Variants in CTC1 observed in about 807,000 individuals in gnomAD.
The protein encoded by CTC1 is CST telomere replication complex component 1, also known as CST complex subunit CTC1.
In CTC1, 91 loss-of-function variants were observed where a neutral mutation model predicts 136.3. That is an observed-to-expected ratio of 0.67 (90% CI 0.56 to 0.79). The LOEUF is 0.79. Among genes scored for constraint, CTC1 ranks in the 30% least tolerant of loss-of-function variants. The pLI is 0.00. For synonymous variants in CTC1, 606 were observed against 613.8 expected (o/e 0.99, Z 0.19); for missense variants, 1,432 against 1,498.1 (o/e 0.96, Z 0.73).
intron 4 of CTC1, 139 bp downstream of exon 4, chr17:8,237,892 A>G: frequency 1.4e-6 from 1 of 702,724 alleles, no homozygotes; most frequent in South Asian, 2.1e-5. Flanking sequence ...CCTTCTTAAT[A>G]TTCAAAGCCC....
rs1567607653 is a variant in CTC1 at position 8,234,648 on chromosome 17, CGA to C, written c.1623_1624del (p.Arg542AlafsTer20). 6.2e-7 allele frequency: 1 copy of C among 1,610,494 alleles called. No homozygotes were observed. On this transcript the variant is annotated frameshift_variant, in exon 10 of 23. Transcript: ENST00000651323. LOFTEE classifies it high-confidence loss of function. ...GGGGAAGGAGGAGGGAGTCTGCAGC[CGA>C]GTGTACTGTCAAGGAGGGAAGAGAA...
Position 8,238,484 on chromosome 17 carries a change from C to G in CTC1, c.343G>C (p.Gly115Arg), listed in dbSNP as rs1237260254. ...PLPREQLLLL[G>R]TLTDLSADLE... ...TCTGCCGATAGGTCTGTTAGTGTCC[C>G]TAAAAGTAACAGCTGCTCTCGGGGC... The change falls in exon 3 of 23, where the codon GGG (glycine) becomes CGG (arginine). Residue 115 changes from glycine (G) to arginine (R), a missense_variant. Transcript: ENST00000651323. 6 of 1,614,098 alleles carry G rather than the reference C, an allele frequency of 3.7e-6. No individual in the cohort carries two copies. The highest frequency in any genetic ancestry group is 4.2e-6 in the Non-Finnish European group (5 of 1,180,046).
intron 20 of CTC1, 50 bp downstream of exon 20, chr17:8,229,092 A>C (rs755671348): frequency 6.3e-6 from 10 of 1,579,702 alleles, no homozygotes; most frequent in African/African-American, 1.4e-5. Flanking sequence ...AGATAGACAA[A>C]GTGGTCTCAT....
intron 2 of CTC1, among the ~76,000 whole-genome samples, chr17:8,239,289 T>G (rs1007565723): frequency 2.0e-5 from 3 of 152,030 alleles, no homozygotes; most frequent in Admixed American, 6.6e-5. Flanking sequence ...TGAAAGCATC[T>G]CAGCTCTTAA....
At chr17:8,241,236 C>T (rs7501986) in intron 2 of CTC1, among the ~76,000 whole-genome samples, 55,514 of 151,872 alleles carry the variant, frequency 0.37, 10,993 homozygotes, top group Non-Finnish European at 0.45. Flanking sequence ...TGCAGTGAGC[C>T]GAGATGATGC....
At chr17:8,247,820 T>A in intron 1 of CTC1, 184 bp downstream of exon 1, 1 of 627,882 alleles carries the variant, frequency 1.6e-6, no homozygotes, top group Middle Eastern at 3.4e-4. Flanking sequence ...GGGCGCCGCG[T>A]GAATGAGGGA....
At chr17:8,243,929 G>A (rs1206753968) in intron 1 of CTC1, among the ~76,000 whole-genome samples, 4 of 152,146 alleles carry the variant, frequency 2.6e-5, no homozygotes, top group Admixed American at 2.6e-4. Context: ...AAAGCCAGGC[G>A]TGGTGGCACA....
intron 1 of CTC1, among the ~76,000 whole-genome samples, chr17:8,246,965 CTTATTTATTTATTTATTTATTTAT>C (rs147423378): frequency 0.019 from 2,743 of 141,482 alleles, 99 homozygotes; most frequent in African/African-American, 0.068. Flanking sequence ...TTCTTAACAT[CTTATTTATTTATTTATTTATTTAT>C]TTATTTATTT....
intron 18 of CTC1, 68 bp downstream of exon 18, chr17:8,229,823 A>C: frequency 7.4e-7 from 1 of 1,346,486 alleles, no homozygotes; most frequent in Non-Finnish European, 1.1e-6. Flanking sequence ...AAATCTTCAG[A>C]ACCAGGGACA....
chr17:8,228,670 T>C, intron 21 of CTC1, 41 bp from the exon 22 acceptor site: 1 of 1,614,006 alleles, frequency 6.2e-7, no homozygotes, highest in African/African-American at 1.3e-5. Context: ...CCTAAACCCT[T>C]TGCCAAAAGC....
chr17:8,231,495 C>A (rs1026538154), intron 14 of CTC1, 26 bp from the exon 15 acceptor site: 2 of 1,574,608 alleles, frequency 1.3e-6, no homozygotes, highest in Non-Finnish European at 8.7e-7. Flanking sequence ...AAGACGACTG[C>A]CTGTGAGTGT....
At chr17:8,241,022 C>T (rs867823114) in intron 2 of CTC1, among the ~76,000 whole-genome samples, 15 of 152,056 alleles carry the variant, frequency 9.9e-5, no homozygotes, top group African/African-American at 3.4e-4. Flanking sequence ...GGCGCGGTGG[C>T]TCACGCCTGT....
At chr17:8,238,290 C>A (rs1597389017) in intron 3 of CTC1, 48 bp from the exon 4 acceptor site, 1 of 1,562,868 alleles carries the variant, frequency 6.4e-7, no homozygotes, top group East Asian at 2.3e-5. Flanking sequence ...AGCATCCTAT[C>A]CACCCACCTC....
At chr17:8,242,154 G>T (rs1988280767) in intron 2 of CTC1, among the ~76,000 whole-genome samples, 1 of 151,872 alleles carries the variant, frequency 6.6e-6, no homozygotes, top group Admixed American at 6.6e-5. Context: ...CTCAGCCTCT[G>T]AGTAGCTGGG....
At chr17:8,234,162 T>C (rs1392365714) in intron 10 of CTC1, among the ~76,000 whole-genome samples, 1 of 152,144 alleles carries the variant, frequency 6.6e-6, no homozygotes, top group African/African-American at 2.4e-5. Context: ...AACTTTTTTG[T>C]AGCAACAAGG....
chr17:8,243,173 A>T (rs928627984), intron 1 of CTC1, 25 bp from the exon 2 acceptor site: 1 of 1,602,702 alleles, frequency 6.2e-7, no homozygotes, highest in African/African-American at 1.3e-5. Context: ...TTTAGTTAAA[A>T]CATCTTGACT....
At position 8,238,259 on chromosome 17, in the gene CTC1, G is replaced by T; in HGVS notation, c.436-17C>A. ...GTCTATGAGCTAAGAAAGACCAAGA[G>T]CAAGGGTTAATCAGAACCTTAGCAT... is the stretch of plus-strand genomic sequence containing the variant. On this transcript the variant is annotated splice_polypyrimidine_tract_variant and intron_variant, in intron 3 of 22. Transcript: ENST00000651323. 1.3e-6 allele frequency: 2 copies of T among 1,587,764 alleles called. No individual in the cohort carries two copies. The highest frequency in any genetic ancestry group is 1.7e-6 in the Non-Finnish European group (2 of 1,163,752).
intron 1 of CTC1, among the ~76,000 whole-genome samples, chr17:8,247,453 G>A (rs369990784): frequency 2.0e-5 from 3 of 151,854 alleles, no homozygotes; most frequent in African/African-American, 7.2e-5. Flanking sequence ...GGAATTACAG[G>A]TGCGCGCCAC....
At chr17:8,232,817 A>G (rs964537736) in intron 11 of CTC1, 89 bp downstream of exon 11, 1 of 1,525,826 alleles carries the variant, frequency 6.6e-7, no homozygotes, top group African/African-American at 1.4e-5. Context: ...CATCTCTAGT[A>G]AATCCCAGCA....
Sources: gnomAD v4.1 joint callset for allele counts (sites outside exome capture counted in the v4.1 genomes callset) on GRCh38, gnomAD v4.1.1 for gene constraint, MANE v1.5 for transcripts, NCBI Gene and HGNC (gene_info 2026-07-23, HGNC 2026-07-21) for gene names.